The following CYLC2 variants were observed in gnomAD, a reference collection of about 807,000 sequenced individuals.
CYLC2 encodes cylicin 2, also known as cylicin-2.
A neutral mutation model predicts 26.1 loss-of-function variants in CYLC2; 30 were observed. The observed-to-expected ratio is 1.15, with a 90% confidence interval of 0.86 to 1.56. The LOEUF (loss-of-function observed/expected upper bound fraction) is 1.56. CYLC2 is among the 40% of genes most tolerant of loss of function. The pLI is 0.00. For synonymous variants in CYLC2, 158 were observed against 132.8 expected (o/e 1.19, Z -1.31); for missense variants, 498 against 394.4 (o/e 1.26, Z -2.23).
At chr9:103,010,059 T>G (rs902851406) in intron 5 of CYLC2, among the ~76,000 whole-genome samples, 2 of 151,896 alleles carry the variant, frequency 1.3e-5, no homozygotes, top group African/African-American at 4.8e-5. Flanking sequence ...CCATATCATT[T>G]TTGATGGCAT....
At chr9:102,996,639 T>C (rs1280340047) in intron 1 of CYLC2, among the ~76,000 whole-genome samples, 1 of 151,968 alleles carries the variant, frequency 6.6e-6, no homozygotes, top group East Asian at 1.9e-4. Flanking sequence ...AAATTTAAGA[T>C]GCAGAAAATT....
chr9:103,005,867 T>G lies in CYLC2; in HGVS notation c.*189T>G. On this transcript the variant is annotated 3_prime_UTR_variant, in exon 5 of 8. Coordinates refer to ENST00000374798, the MANE Select transcript of CYLC2 (RefSeq NM_001340.5). ...TTATAAAAATATATAAGAAAGATGTTAAGAAAAATTAAGGGGGGATCCATT... is the reference window on the plus strand; with the variant it reads ...TTATAAAAATATATAAGAAAGATGTGAAGAAAAATTAAGGGGGGATCCATT... 1 of 584,776 alleles carries G rather than the reference T, an allele frequency of 1.7e-6. No homozygotes were observed. The highest frequency in any genetic ancestry group is 2.9e-6 in the Non-Finnish European group (1 of 347,554). The allele number at this position is 584,776 out of a possible 1,614,324, so 36.2% of individuals were successfully genotyped here.
At chr9:103,016,705 T>G (rs78557883) in intron 6 of CYLC2, among the ~76,000 whole-genome samples, 183 bp from the exon 7 acceptor site, 1,730 of 152,134 alleles carry the variant, frequency 0.011, 32 homozygotes, top group African/African-American at 0.04. Context: ...ATTGATTCAG[T>G]TGATTTACAA....
chr9:103,004,948 T>C (rs1289316643), intron 4 of CYLC2, 21 bp from the exon 5 acceptor site: 2 of 1,576,126 alleles, frequency 1.3e-6, no homozygotes, highest in South Asian at 1.2e-5. Flanking sequence ...TTTTAAGAAA[T>C]ATTTGAATAT....
intron 5 of CYLC2, among the ~76,000 whole-genome samples, chr9:103,011,305 C>T (rs2118256011): frequency 6.6e-6 from 1 of 152,126 alleles, no homozygotes; most frequent in South Asian, 2.1e-4. Context: ...TTTTGTTTAA[C>T]TTTTAGTGTA....
chr9:103,017,499 T>A (rs928593924), intron 7 of CYLC2, among the ~76,000 whole-genome samples: 66 of 152,172 alleles, frequency 4.3e-4, no homozygotes, highest in African/African-American at 1.5e-3. Context: ...TAAAGTATGC[T>A]TTTCAATTAT....
intron 6 of CYLC2, among the ~76,000 whole-genome samples, chr9:103,012,886 C>A (rs1043470968): frequency 6.6e-6 from 1 of 150,740 alleles, no homozygotes; most frequent in Non-Finnish European, 1.5e-5. Context: ...AGGGTATATA[C>A]AGAGAAGATA....
chr9:103,013,896 A>C (rs1345343821), intron 6 of CYLC2, among the ~76,000 whole-genome samples: 37 of 113,886 alleles, frequency 3.2e-4, no homozygotes, highest in Admixed American at 8.8e-4. Context: ...ATAATATATT[A>C]TATATAATAT....
chr9:103,017,112 G>A (rs557040750), intron 7 of CYLC2, among the ~76,000 whole-genome samples, 151 bp downstream of exon 7: 1 of 151,494 alleles, frequency 6.6e-6, no homozygotes, highest in African/African-American at 2.4e-5. Flanking sequence ...AAGTGGCTTT[G>A]CTTTGATGAT....
At chr9:102,996,557 TA>T in intron 1 of CYLC2, among the ~76,000 whole-genome samples, 1 of 152,016 alleles carries the variant, frequency 6.6e-6, no homozygotes. Flanking sequence ...AAAGCATACA[TA>T]AAAATTCTTA....
intron 7 of CYLC2, among the ~76,000 whole-genome samples, chr9:103,017,664 G>T (rs780129019): frequency 3.3e-5 from 5 of 151,962 alleles, no homozygotes; most frequent in Non-Finnish European, 7.4e-5. Flanking sequence ...GATATAGTTG[G>T]TAACTTTTTC....
At chr9:103,016,029 TGATA>T (rs1829501416) in intron 6 of CYLC2, among the ~76,000 whole-genome samples, 1 of 151,272 alleles carries the variant, frequency 6.6e-6, no homozygotes, top group South Asian at 2.1e-4. Flanking sequence ...ATATGGATTT[TGATA>T]GATAATTGGT....
rs953494989 is a variant in CYLC2, at chr9:103,009,960, G to A, written c.*701-2022G>A. Among the ~76,000 whole-genome samples the A allele has an allele frequency of 2.2e-4, 32 of 143,702 alleles. 1 individual carries two copies. The highest frequency in any genetic ancestry group is 1.3e-3 in the Admixed American group (18 of 14,400). 94.3% of individuals were successfully genotyped at this position (143,702 alleles called of 152,430 possible). ...GTATTATACACACATACATATATGT[G>A]TACACATTGAATTTATTACATTTTA... On this transcript the variant is annotated intron_variant, in intron 5 of 7. Transcript: ENST00000374798.
chr9:103,014,152 T>G (rs535808111), intron 6 of CYLC2, among the ~76,000 whole-genome samples: 38 of 121,008 alleles, frequency 3.1e-4, no homozygotes, highest in Admixed American at 9.4e-4. Flanking sequence ...ATATATTATT[T>G]AATATATAAT....
chr9:103,001,852 T>C (rs1829292348), intron 2 of CYLC2, among the ~76,000 whole-genome samples: 2 of 152,138 alleles, frequency 1.3e-5, no homozygotes, highest in Non-Finnish European at 2.9e-5. Context: ...CCGGAAATAG[T>C]TACATGTTAG....
At chr9:102,999,167 A>G (rs971269698) in intron 1 of CYLC2, among the ~76,000 whole-genome samples, 1 of 151,674 alleles carries the variant, frequency 6.6e-6, no homozygotes, top group Non-Finnish European at 1.5e-5. Flanking sequence ...CAGCTTTTAT[A>G]TGTATTTTAA....
intron 3 of CYLC2, 29 bp downstream of exon 3, chr9:103,003,292 CAGTAATA>C (rs1019324314): frequency 4.5e-6 from 7 of 1,571,184 alleles, no homozygotes; most frequent in Non-Finnish European, 5.2e-6. Context: ...TTATAATTAT[CAGTAATA>C]AGTAATAACT....
intron 1 of CYLC2, among the ~76,000 whole-genome samples, chr9:102,999,824 T>C (rs1482016636): frequency 6.6e-6 from 1 of 151,928 alleles, no homozygotes. Flanking sequence ...CAGATGATCA[T>C]GATGTATTAG....
chr9:103,000,460 C>T (rs1426491672), intron 1 of CYLC2, among the ~76,000 whole-genome samples: 1 of 151,964 alleles, frequency 6.6e-6, no homozygotes, highest in Non-Finnish European at 1.5e-5. Flanking sequence ...ATCAACATTT[C>T]TTCTGTAGTA....
Sources: gnomAD v4.1 joint callset for allele counts (sites outside exome capture counted in the v4.1 genomes callset) on GRCh38, gnomAD v4.1.1 for gene constraint, MANE v1.5 for transcripts, NCBI Gene and HGNC (gene_info 2026-07-23, HGNC 2026-07-21) for gene names.